LRRTM4: variants seen among roughly 807,000 people sequenced by gnomAD.
The protein encoded by LRRTM4 is leucine-rich repeat transmembrane neuronal protein 4.
A neutral mutation model predicts 47.6 loss-of-function variants in LRRTM4; 25 were observed. The ratio of observed to expected loss-of-function variants is 0.53; its 90% confidence interval spans 0.38 to 0.73. The LOEUF (loss-of-function observed/expected upper bound fraction) is 0.73, where lower values mean the gene tolerates loss of function less well. Among genes scored for constraint, LRRTM4 ranks in the 30% least tolerant of loss-of-function variants. The pLI is 0.00. For synonymous variants in LRRTM4, 311 were observed against 269.5 expected, an observed-to-expected ratio of 1.15 and a Z score of -1.51; for missense variants, 638 against 713.4, an observed-to-expected ratio of 0.89 and a Z score of 1.20.
At chr2:76,998,951 G>A (rs1677308794) in intron 3 of LRRTM4, among the ~76,000 whole-genome samples, 1 of 151,826 alleles carries the variant, frequency 6.6e-6, no homozygotes, top group African/African-American at 2.4e-5. Flanking sequence ...TATAAGAACT[G>A]TAACTACTCG....
At chr2:77,387,041 T>C (rs1033970814) in intron 3 of LRRTM4, among the ~76,000 whole-genome samples, 5 of 152,250 alleles carry the variant, frequency 3.3e-5, no homozygotes, top group East Asian at 1.9e-4. Flanking sequence ...AGTGCCACTA[T>C]GGAACGGTTT....
intron 3 of LRRTM4, among the ~76,000 whole-genome samples, chr2:76,806,730 G>A (rs768816271): frequency 6.6e-6 from 1 of 151,998 alleles, no homozygotes; most frequent in Non-Finnish European, 1.5e-5. Flanking sequence ...ATTTTAGAAT[G>A]GTGATAAGAT....
At chr2:77,238,518 C>T (rs1675172509) in intron 3 of LRRTM4, among the ~76,000 whole-genome samples, 2 of 150,828 alleles carry the variant, frequency 1.3e-5, no homozygotes, top group Admixed American at 6.6e-5. Context: ...GTTGCCTTGC[C>T]CTCTTTCCTC....
chr2:77,215,067 A>G (rs961732633), intron 3 of LRRTM4, among the ~76,000 whole-genome samples: 1 of 152,202 alleles, frequency 6.6e-6, no homozygotes, highest in Non-Finnish European at 1.5e-5. Flanking sequence ...GATGTGGCTT[A>G]CTGTAGTCAA....
chr2:77,336,592 G>A lies in LRRTM4; in HGVS notation c.1551+181726C>T, dbSNP rs189892931. 3.0e-4 allele frequency among the ~76,000 whole-genome samples: 45 copies of A among 152,090 alleles called. No homozygotes were observed. In the South Asian group the frequency reaches 4.6e-3, roughly 15 times the overall value. ...GGCAAATCAAAAAATGTGAGTCACCGTATAGAATTAAAAGCAAAAAGCTAT... is the reference window on the plus strand; with the variant it reads ...GGCAAATCAAAAAATGTGAGTCACCATATAGAATTAAAAGCAAAAAGCTAT... On this transcript the variant is annotated intron_variant, in intron 3 of 3. Coordinates refer to ENST00000409884, the MANE Select transcript of LRRTM4 (RefSeq NM_001134745.3).
chr2:77,232,460 C>A (rs998282324), intron 3 of LRRTM4, among the ~76,000 whole-genome samples: 9 of 152,190 alleles, frequency 5.9e-5, no homozygotes, highest in Admixed American at 5.2e-4. Context: ...CAAAATATTG[C>A]CCTGTTTTGC....
intron 3 of LRRTM4, among the ~76,000 whole-genome samples, chr2:77,501,018 C>G (rs901872561): frequency 6.6e-6 from 1 of 150,886 alleles, no homozygotes; most frequent in East Asian, 1.9e-4. Context: ...GAAAACAGAA[C>G]AGAGAGTTAA....
chr2:77,311,668 C>G (rs77883079), intron 3 of LRRTM4, among the ~76,000 whole-genome samples: 5,060 of 152,200 alleles, frequency 0.033, 182 homozygotes, highest in South Asian at 0.098. Context: ...TGATGCTGAT[C>G]TGAAAGCCCA....
intron 3 of LRRTM4, among the ~76,000 whole-genome samples, chr2:77,501,023 A>C (rs996187686): frequency 1.3e-5 from 2 of 151,306 alleles, no homozygotes; most frequent in Non-Finnish European, 3.0e-5. Context: ...CAGAACAGAG[A>C]GTTAACAATG....
At chr2:77,318,974 A>G (rs1677707660) in intron 3 of LRRTM4, among the ~76,000 whole-genome samples, 1 of 152,084 alleles carries the variant, frequency 6.6e-6, no homozygotes, top group Admixed American at 6.6e-5. Flanking sequence ...GAGATAGTCA[A>G]GGATAACTGG....
intron 3 of LRRTM4, among the ~76,000 whole-genome samples, chr2:77,431,949 C>T (rs1675395436): frequency 3.3e-5 from 5 of 152,054 alleles, no homozygotes; most frequent in Admixed American, 2.0e-4. Flanking sequence ...TGGCATGTGC[C>T]TGTAGTCCCA....
chr2:76,931,298 T>G (rs1674761971), intron 3 of LRRTM4, among the ~76,000 whole-genome samples: 1 of 152,242 alleles, frequency 6.6e-6, no homozygotes, highest in East Asian at 1.9e-4. Context: ...TGAGCATATA[T>G]TAATGCATAT....
At chr2:77,367,983 C>T (rs531431711) in intron 3 of LRRTM4, among the ~76,000 whole-genome samples, 2 of 151,734 alleles carry the variant, frequency 1.3e-5, no homozygotes, top group Middle Eastern at 3.4e-3. Flanking sequence ...CTTTTTTCAT[C>T]GTTATAAAGC....
At chr2:77,049,657 CTTGCT>C (rs1558549880) in intron 3 of LRRTM4, among the ~76,000 whole-genome samples, 1 of 151,088 alleles carries the variant, frequency 6.6e-6, no homozygotes. Flanking sequence ...TTGTTGTTGA[CTTGCT>C]TGAGTTTCTT....
At chr2:76,887,816 A>C (rs1673126203) in intron 3 of LRRTM4, among the ~76,000 whole-genome samples, 1 of 151,024 alleles carries the variant, frequency 6.6e-6, no homozygotes, top group African/African-American at 2.4e-5. Context: ...ATGGAATTTG[A>C]CCTAAAATAA....
intron 3 of LRRTM4, among the ~76,000 whole-genome samples, chr2:76,971,905 T>C: frequency 6.6e-6 from 1 of 152,050 alleles, no homozygotes; most frequent in South Asian, 2.1e-4. Context: ...AGTTATTTGC[T>C]TCTCTATAAA....
chr2:77,197,510 A>T lies in LRRTM4; in HGVS notation c.1551+320808T>A, dbSNP rs953688145. 2.0e-5 allele frequency among the ~76,000 whole-genome samples: 3 copies of T among 152,192 alleles called. No homozygotes were observed. In the South Asian group the frequency reaches 6.2e-4, roughly 32 times the overall value. On this transcript the variant is annotated intron_variant, in intron 3 of 3. Transcript: ENST00000409884. ...ATTAGACAAAGAAAAAGTACATCTT[A>T]CAACTTTCTATTCTAACAAGTTAAT...
At chr2:77,194,186 A>AT (rs1473063476) in intron 3 of LRRTM4, among the ~76,000 whole-genome samples, 6 of 152,140 alleles carry the variant, frequency 3.9e-5, no homozygotes, top group African/African-American at 1.4e-4. Flanking sequence ...AAATATGACT[A>AT]TATCTTGAGT....
At chr2:76,797,270 G>C (rs1009664619) in intron 3 of LRRTM4, among the ~76,000 whole-genome samples, 4 of 152,054 alleles carry the variant, frequency 2.6e-5, no homozygotes, top group Admixed American at 2.6e-4. Flanking sequence ...GGATCTCTCA[G>C]CAGAAACCCT....
Sources: allele counts gnomAD v4.1 joint callset (sites outside exome capture counted in the v4.1 genomes callset), GRCh38; gene constraint gnomAD v4.1.1; transcripts MANE v1.5; gene names NCBI Gene and HGNC (gene_info 2026-07-23, HGNC 2026-07-21).